CHD7: variants seen among roughly 807,000 people sequenced by gnomAD.
CHD7 encodes the protein chromodomain helicase DNA binding protein 7, also known as ATP-dependent chromatin remodeler CHD7.
Under a neutral mutation model 307.3 loss-of-function variants are expected in CHD7, and 24 were observed. The observed-to-expected ratio is 0.08, with a 90% CI of 0.06 to 0.11. The LOEUF (loss-of-function observed/expected upper bound fraction) is 0.11. Ranked by LOEUF, CHD7 falls within the 10% of genes least tolerant of loss-of-function variation. CHD7 has a pLI of 1.00. For missense variants in CHD7, 3,106 were observed against 3,727.1 expected (o/e 0.83, Z 4.34); for synonymous variants, 1,363 against 1,349.9 (o/e 1.01, Z -0.21).
rs757622396 is a variant in CHD7 at position 60,836,290 on chromosome 8, A to G, written c.3989+7A>G. ...ACTACCTCATTCAAAGACGGTGAGG[A>G]CCACCATATCAGAATAATAAAAAGG... On this transcript the variant is annotated splice_region_variant and intron_variant, in intron 16 of 37. Coordinates refer to ENST00000423902, the MANE Select transcript of CHD7 (RefSeq NM_017780.4). 41 of 1,611,386 alleles carry G rather than the reference A, an allele frequency of 2.5e-5. No individual in the cohort carries two copies. Among genetic ancestry groups the G allele is most frequent in the Non-Finnish European group, 3.1e-5 (36 of 1,177,960 alleles).
chr8:60,837,031 C>T lies in CHD7; in HGVS notation c.4185+19C>T, dbSNP rs767064028. ...CCTCCAGGTAAATGCACAAGAAAGT[C>T]CTGATGCCTTTAAAAAGGAAGTCAT... On this transcript the variant is annotated intron_variant, in intron 17 of 37. Coordinates refer to ENST00000423902, the MANE Select transcript of CHD7 (RefSeq NM_017780.4). 4.4e-6 allele frequency: 7 copies of T among 1,574,740 alleles called. No homozygotes were observed. The African/African-American group carries it at 5.4e-5, about 12-fold the overall frequency.
At chr8:60,686,883 G>A (rs1438279591) in intron 1 of CHD7, among the ~76,000 whole-genome samples, 1 of 152,108 alleles carries the variant, frequency 6.6e-6, no homozygotes, top group Non-Finnish European at 1.5e-5. Flanking sequence ...ACTTTTTAGA[G>A]GCCACTGTGT....
At chr8:60,819,597 G>A (rs1803930237) in intron 8 of CHD7, among the ~76,000 whole-genome samples, 1 of 152,188 alleles carries the variant, frequency 6.6e-6, no homozygotes, top group Non-Finnish European at 1.5e-5. Context: ...TAAGGCATCG[G>A]ACAACTCCAG....
At chr8:60,790,546 T>C (rs1811726768) in intron 3 of CHD7, among the ~76,000 whole-genome samples, 1 of 151,986 alleles carries the variant, frequency 6.6e-6, no homozygotes, top group South Asian at 2.1e-4. Flanking sequence ...TATGTGGGGG[T>C]TTCTTATATG....
chr8:60,842,089 G>T (rs1254514599), intron 21 of CHD7, 37 bp downstream of exon 21: 2 of 1,522,440 alleles, frequency 1.3e-6, no homozygotes, highest in African/African-American at 1.4e-5. Flanking sequence ...GAATTTTATT[G>T]TAACAGTAGT....
chr8:60,820,420 T>C (rs1004219696), intron 9 of CHD7, among the ~76,000 whole-genome samples: 3 of 152,212 alleles, frequency 2.0e-5, no homozygotes, highest in Non-Finnish European at 4.4e-5. Context: ...AGTATCCTTA[T>C]ATAATTGAGT....
chr8:60,826,634 A>T (rs1251655225), intron 13 of CHD7, among the ~76,000 whole-genome samples: 2 of 152,196 alleles, frequency 1.3e-5, no homozygotes, highest in Non-Finnish European at 2.9e-5. Flanking sequence ...ACGACCAATG[A>T]GTGTCTTCAG....
At chr8:60,822,985 G>C (rs984402821) in intron 12 of CHD7, among the ~76,000 whole-genome samples, 3 of 152,002 alleles carry the variant, frequency 2.0e-5, no homozygotes, top group Non-Finnish European at 4.4e-5. Flanking sequence ...TTTTTGCCTT[G>C]GATGATCACT....
chr8:60,815,887 C>T (rs1402873242), intron 7 of CHD7, among the ~76,000 whole-genome samples: 3 of 152,112 alleles, frequency 2.0e-5, no homozygotes, highest in Non-Finnish European at 4.4e-5. Flanking sequence ...GACTCTAGGG[C>T]ACCCTACACC....
At chr8:60,701,986 G>A (rs1339040353) in intron 1 of CHD7, among the ~76,000 whole-genome samples, 6 of 152,168 alleles carry the variant, frequency 3.9e-5, no homozygotes, top group Non-Finnish European at 8.8e-5. Context: ...GTTTTCTGGA[G>A]GTATTATAGA....
In CHD7 at chr8:60,854,509, T is replaced by C. The variant is rs1805618287; in HGVS notation, c.6922T>C (p.Ser2308Pro). ...QLLHERTFAF[S>P]FWPKDRVMIN... ...CCTTCATGAAAGAACATTTGCCTTC[T>C]CGTTTTGGCCTAAGGTTGGCAGGTT... is the stretch of plus-strand genomic sequence containing the variant. The change falls in exon 32 of 38, where the codon TCG becomes CCG. Residue 2308 changes from serine (S) to proline (P), a missense_variant. By Grantham distance (74) the Ser-to-Pro change is moderately conservative (BLOSUM62 -1). Around this residue, in one of 10 missense-constraint regions of CHD7, gnomAD observed 1,030 missense variants for 1,165.4 expected, o/e 0.88. Coordinates refer to ENST00000423902, the MANE Select transcript of CHD7 (RefSeq NM_017780.4). 1 of 1,601,124 alleles carries C rather than the reference T, an allele frequency of 6.2e-7. No homozygotes were observed. The highest frequency in any genetic ancestry group is 1.1e-5 in the South Asian group (1 of 90,046).
chr8:60,718,204 C>T (rs962143812), intron 1 of CHD7, among the ~76,000 whole-genome samples: 6 of 152,146 alleles, frequency 3.9e-5, no homozygotes, highest in East Asian at 3.8e-4. Context: ...AAGTTGGTCG[C>T]GGTAGCTCAC....
chr8:60,705,891 A>AT (rs1291105672), intron 1 of CHD7, among the ~76,000 whole-genome samples: 1 of 152,222 alleles, frequency 6.6e-6, no homozygotes, highest in African/African-American at 2.4e-5. Flanking sequence ...CTTACCAGGC[A>AT]TTTTAATACA....
chr8:60,690,560 C>T (rs1806143478), intron 1 of CHD7, among the ~76,000 whole-genome samples: 1 of 152,110 alleles, frequency 6.6e-6, no homozygotes, highest in South Asian at 2.1e-4. Flanking sequence ...CTCTGGGGTG[C>T]TGAGAGCCTT....
rs545263891 is a variant in CHD7 at position 60,852,396 on chromosome 8, A to T, written c.5895-102A>T. 3 of 1,323,166 alleles carry T rather than the reference A, an allele frequency of 2.3e-6. No homozygotes were observed. In the South Asian group the frequency reaches 4.3e-5, roughly 19 times the overall value. 82.0% of individuals were successfully genotyped at this position (1,323,166 alleles called of 1,614,324 possible). A position where few individuals can be genotyped will look rare whatever the true frequency, so the allele number is the denominator to read the frequency against. Reference sequence around the variant, plus strand: ...AAAGCAGTCTGTTTCCCCACCCCCAAATAACTACCATGTATAAAGTCTGGG... The same window carrying T: ...AAAGCAGTCTGTTTCCCCACCCCCATATAACTACCATGTATAAAGTCTGGG... On this transcript the variant is annotated intron_variant, in intron 29 of 37. Transcript: ENST00000423902.
chr8:60,711,536 T>G (rs1807279055), intron 1 of CHD7, among the ~76,000 whole-genome samples: 1 of 152,210 alleles, frequency 6.6e-6, no homozygotes, highest in African/African-American at 2.4e-5. Flanking sequence ...AATGAAATCT[T>G]TCGTTATTTG....
intron 15 of CHD7, among the ~76,000 whole-genome samples, chr8:60,835,858 A>G (rs1586415713): frequency 6.6e-6 from 1 of 152,160 alleles, no homozygotes; most frequent in African/African-American, 2.4e-5. Flanking sequence ...TTCCCCCTGA[A>G]TGCCTCAATG....
chr8:60,699,116 G>C (rs1428027317), intron 1 of CHD7, among the ~76,000 whole-genome samples: 1 of 152,228 alleles, frequency 6.6e-6, no homozygotes, highest in Non-Finnish European at 1.5e-5. Context: ...TATGCAACTT[G>C]AGAGCAATTA....
rs769970846 is a variant in CHD7, at chr8:60,856,140, A to G, written c.7102A>G (p.Met2368Val). Reference protein sequence around the residue: ...LQKRSFAELSMVGQASISGSE... With the variant: ...LQKRSFAELSVVGQASISGSE... ...GAAGAGGAGCTTTGCTGAGCTCTCC[A>G]TGGTCGGCCAAGCCAGCATTAGTGG... Residue 2368 changes from methionine (M) to valine (V), a missense_variant, in exon 33 of 38, where the codon ATG becomes GTG. Met to Val is a conservative substitution (Grantham distance 21). This residue lies in a region of CHD7 where 1,030 missense variants were observed against 1,165.4 expected (regional missense o/e 0.88). Coordinates refer to ENST00000423902, the MANE Select transcript of CHD7 (RefSeq NM_017780.4). 7 of 1,608,654 alleles carry G rather than the reference A, an allele frequency of 4.4e-6. No homozygotes were observed. Among genetic ancestry groups the G allele is most frequent in the East Asian group, 2.2e-5 (1 of 44,742 alleles).
Sources: allele counts gnomAD v4.1 joint callset (sites outside exome capture counted in the v4.1 genomes callset), GRCh38; gene constraint gnomAD v4.1.1; regional missense constraint gnomAD v4.1.1; transcripts MANE v1.5; gene names NCBI Gene and HGNC (gene_info 2026-07-23, HGNC 2026-07-21).